FAM135B: variants seen among roughly 807,000 people sequenced by gnomAD.
FAM135B encodes family with sequence similarity 135 member B, also known as protein FAM135B.
A neutral mutation model predicts 127.7 loss-of-function variants in FAM135B; 43 were observed. That is an observed-to-expected ratio of 0.34 (90% CI 0.26 to 0.43). The LOEUF (loss-of-function observed/expected upper bound fraction) is 0.43. Among genes scored for constraint, FAM135B ranks in the 20% least tolerant of loss-of-function variants. FAM135B has a pLI of 1.00. For synonymous variants in FAM135B, 670 were observed against 665.1 expected, an observed-to-expected ratio of 1.01 and a Z score of -0.11; for missense variants, 1,558 against 1,725.6, an observed-to-expected ratio of 0.90 and a Z score of 1.72.
intron 7 of FAM135B, among the ~76,000 whole-genome samples, chr8:138,220,912 G>A (rs750804850): frequency 1.3e-5 from 2 of 152,228 alleles, no homozygotes; most frequent in Non-Finnish European, 2.9e-5. Flanking sequence ...TCACCCACGT[G>A]AAATAACTAA....
chr8:138,165,122 A>AT (rs5895498), intron 12 of FAM135B, among the ~76,000 whole-genome samples: 2,617 of 142,480 alleles, frequency 0.018, 59 homozygotes, highest in African/African-American at 0.05. Context: ...TATTTAATTG[A>AT]TTTTTTTTTT....
intron 1 of FAM135B, among the ~76,000 whole-genome samples, chr8:138,443,810 T>G (rs1356293653): frequency 6.6e-6 from 1 of 152,120 alleles, no homozygotes; most frequent in Non-Finnish European, 1.5e-5. Flanking sequence ...AATATTAACC[T>G]TAAAGATAAA....
At chr8:138,139,760 C>T (rs1388352502) in intron 17 of FAM135B, among the ~76,000 whole-genome samples, 2 of 152,168 alleles carry the variant, frequency 1.3e-5, no homozygotes, top group Non-Finnish European at 2.9e-5. Flanking sequence ...AAGCAAGACT[C>T]TCTCTCAAAA....
intron 2 of FAM135B, 107 bp from the exon 3 acceptor site, chr8:138,311,027 C>A (rs1826646973): frequency 2.4e-6 from 2 of 825,990 alleles, no homozygotes; most frequent in South Asian, 1.7e-5. Flanking sequence ...AGGGAAGTTT[C>A]TTGGCAGCAT....
intron 1 of FAM135B, among the ~76,000 whole-genome samples, chr8:138,419,336 T>C (rs75985536): frequency 6.6e-6 from 1 of 152,028 alleles, no homozygotes; most frequent in Non-Finnish European, 1.5e-5. Context: ...GCACCCAACA[T>C]TGGAGCACCA....
At chr8:138,386,074 G>T (rs1417546386) in intron 1 of FAM135B, among the ~76,000 whole-genome samples, 1 of 151,874 alleles carries the variant, frequency 6.6e-6, no homozygotes, top group Non-Finnish European at 1.5e-5. Flanking sequence ...AAAGTAGCTG[G>T]GCGTGGTGGT....
At chr8:138,174,435 C>T (rs1814238978) in intron 11 of FAM135B, among the ~76,000 whole-genome samples, 1 of 152,130 alleles carries the variant, frequency 6.6e-6, no homozygotes, top group Non-Finnish European at 1.5e-5. Flanking sequence ...TGCATAGCCC[C>T]TCTTCACTAT....
intron 1 of FAM135B, among the ~76,000 whole-genome samples, chr8:138,445,414 G>A (rs1473254250): frequency 2.0e-5 from 3 of 152,078 alleles, no homozygotes; most frequent in Non-Finnish European, 4.4e-5. Flanking sequence ...ATAAAATACT[G>A]GCAAACCAAA....
intron 11 of FAM135B, among the ~76,000 whole-genome samples, chr8:138,169,893 C>T (rs563831643): frequency 6.6e-6 from 1 of 152,272 alleles, no homozygotes; most frequent in South Asian, 2.1e-4. Context: ...GCTTCTTGAG[C>T]ACAGGGCTTT....
Position 138,241,127 on chromosome 8 carries a change from C to T in FAM135B, c.669+1815G>A, listed in dbSNP as rs1419332786. 2.6e-5 allele frequency among the ~76,000 whole-genome samples: 4 copies of T among 152,150 alleles called. No individual in the cohort carries two copies. The highest frequency in any genetic ancestry group is 2.1e-4 in the South Asian group (1 of 4,816). On this transcript the variant is annotated intron_variant, in intron 7 of 19. Coordinates refer to ENST00000395297, the MANE Select transcript of FAM135B (RefSeq NM_015912.4). This position sits in a 1 kb window ranked among gnomAD's most constrained non-coding sequence, Gnocchi z 4.8. ...TGTGATGTAGTCACAGCAAAGGCTTCGGCCGACCACGGGGAGCTTTGCCTC... is the reference window on the plus strand; with the variant it reads ...TGTGATGTAGTCACAGCAAAGGCTTTGGCCGACCACGGGGAGCTTTGCCTC...
chr8:138,401,101 C>T lies in FAM135B; in HGVS notation c.-19-33099G>A, dbSNP rs183279817. Among the ~76,000 whole-genome samples the T allele has an allele frequency of 1.1e-3, 171 of 152,230 alleles. 3 individuals are homozygous for T. In the East Asian group the frequency reaches 0.029, roughly 25 times the overall value. On this transcript the variant is annotated intron_variant, in intron 1 of 19. Transcript: ENST00000395297. Reference sequence around the variant, plus strand: ...GGCAAGCTTTTATATAAAATATTAACTGGGATTATATCAAAAGAAGCTTCC... The same window carrying T: ...GGCAAGCTTTTATATAAAATATTAATTGGGATTATATCAAAAGAAGCTTCC...
At chr8:138,381,242 T>C (rs973169608) in intron 1 of FAM135B, among the ~76,000 whole-genome samples, 3 of 152,072 alleles carry the variant, frequency 2.0e-5, no homozygotes, top group African/African-American at 7.2e-5. Context: ...ACAAACCCTC[T>C]CAAAATACTC....
At chr8:138,235,917 G>C (rs1467448742) in intron 7 of FAM135B, among the ~76,000 whole-genome samples, 1 of 152,168 alleles carries the variant, frequency 6.6e-6, no homozygotes, top group African/African-American at 2.4e-5. Context: ...TAAAACAAAG[G>C]AAGGAGGATT....
At chr8:138,419,476 A>G (rs1834360749) in intron 1 of FAM135B, among the ~76,000 whole-genome samples, 1 of 152,182 alleles carries the variant, frequency 6.6e-6, no homozygotes, top group African/African-American at 2.4e-5. Flanking sequence ...AATGATATTC[A>G]GAACCCAAAC....
chr8:138,306,722 A>C (rs13258184), intron 3 of FAM135B, among the ~76,000 whole-genome samples: 135,529 of 151,814 alleles, frequency 0.89, 61,198 homozygotes, highest in Non-Finnish European at 0.96. Context: ...AGCCGGGACT[A>C]CAGGTGTGCA....
chr8:138,363,820 T>C (rs188150293), intron 2 of FAM135B, among the ~76,000 whole-genome samples: 2 of 152,252 alleles, frequency 1.3e-5, no homozygotes, highest in Non-Finnish European at 2.9e-5. Context: ...GCCAGCTATG[T>C]AACAATGAGC....
chr8:138,214,522 A>T (rs1282163433), intron 7 of FAM135B, among the ~76,000 whole-genome samples: 1 of 152,194 alleles, frequency 6.6e-6, no homozygotes, highest in African/African-American at 2.4e-5. Flanking sequence ...GAGTCTGATA[A>T]GTGCTATGAT....
rs1359153817 is a variant in FAM135B, at chr8:138,168,066, A to C, written c.1104-17T>G. The C allele has an allele frequency of 6.2e-7, 1 of 1,604,146 alleles. No homozygotes were observed. Among genetic ancestry groups the C allele is most frequent in the Admixed American group, 1.7e-5 (1 of 58,948 alleles). The stretch of plus-strand genomic sequence containing the variant: ...GTCTGTATCCTGGGGAGCACATGGC[A>C]GGGTGAGCGTCCAGGGAAGAGTCAG... On this transcript the variant is annotated splice_polypyrimidine_tract_variant and intron_variant, in intron 11 of 19. Transcript: ENST00000395297.
intron 3 of FAM135B, among the ~76,000 whole-genome samples, chr8:138,308,380 T>A (rs1212297034): frequency 6.6e-6 from 1 of 152,190 alleles, no homozygotes; most frequent in Non-Finnish European, 1.5e-5. Context: ...TAAGCCATTG[T>A]TAAAAGTCAC....
Sources: gnomAD v4.1 joint callset for allele counts (sites outside exome capture counted in the v4.1 genomes callset) on GRCh38, gnomAD v4.1.1 for gene constraint, Gnocchi (gnomAD v3.1) non-coding constraint, MANE v1.5 for transcripts, NCBI Gene and HGNC (gene_info 2026-07-23, HGNC 2026-07-21) for gene names.